MLXIP: variants seen among roughly 807,000 people sequenced by gnomAD.
The protein encoded by MLXIP is MLX interacting protein, also known as MLX-interacting protein.
Under a neutral mutation model 87.2 loss-of-function variants are expected in MLXIP, and 30 were observed. That is an observed-to-expected ratio of 0.34 (90% CI 0.26 to 0.47). MLXIP has a LOEUF of 0.47. Ranked by LOEUF, MLXIP falls within the 20% of genes least tolerant of loss-of-function variation. The probability of loss-of-function intolerance (pLI) is 1.00; values close to 1 mark genes in which losing one functional copy is unlikely to be tolerated. For missense variants in MLXIP, 1,002 were observed against 1,240.1 expected (o/e 0.81, Z 2.88); for synonymous variants, 530 against 514.0 (o/e 1.03, Z -0.42).
intron 1 of MLXIP, among the ~76,000 whole-genome samples, chr12:122,094,542 GGT>G (rs1173510381): frequency 2.8e-5 from 4 of 141,958 alleles, no homozygotes; most frequent in African/African-American, 7.9e-5. Context: ...GTGGTGTGTT[GGT>G]GTGTGGGTGT....
chr12:122,120,826 T>A (rs1952767458), intron 1 of MLXIP, among the ~76,000 whole-genome samples: 1 of 152,012 alleles, frequency 6.6e-6, no homozygotes, highest in Non-Finnish European at 1.5e-5. Flanking sequence ...CCACTCTACC[T>A]GTCTGTCAGG....
chr12:122,119,175 CAAACAAAACA>C (rs146505466), intron 1 of MLXIP, among the ~76,000 whole-genome samples: 18 of 151,170 alleles, frequency 1.2e-4, no homozygotes, highest in African/African-American at 3.2e-4. Flanking sequence ...CTCAAAAAAA[CAAACAAAACA>C]AAACAAAACA....
Position 122,142,154 on chromosome 12 carries a change from G to A in MLXIP, c.*342G>A, listed in dbSNP as rs934808592. 1.4e-6 allele frequency: 1 copy of A among 701,334 alleles called. No homozygotes were observed. Among genetic ancestry groups the A allele is most frequent in the African/African-American group, 1.7e-5 (1 of 57,262 alleles). The allele number at this position is 701,334 out of a possible 1,614,324, so 43.4% of individuals were successfully genotyped here. ...CTGCCGGGCCTGGCGCCGGTGAGCG[G>A]AATCGATGGGATGAGGGTGACAGGG... On this transcript the variant is annotated 3_prime_UTR_variant, in exon 17 of 17. Coordinates refer to ENST00000319080, the MANE Select transcript of MLXIP (RefSeq NM_014938.6).
intron 1 of MLXIP, among the ~76,000 whole-genome samples, chr12:122,081,503 C>T (rs939583056): frequency 6.6e-6 from 1 of 152,112 alleles, no homozygotes. Context: ...AGAACTGCTA[C>T]CTGGCTTTCA....
intron 3 of MLXIP, 27 bp downstream of exon 3, chr12:122,127,995 G>A: frequency 6.2e-7 from 1 of 1,600,190 alleles, no homozygotes; most frequent in Non-Finnish European, 8.6e-7. Flanking sequence ...AAGGGTGGCT[G>A]AGAGTGGAAA....
chr12:122,136,709 T>G (rs911218176), intron 11 of MLXIP: 8 of 152,258 alleles, frequency 5.3e-5, no homozygotes, highest in African/African-American at 1.9e-4. Context: ...AAGACGCGAA[T>G]GAGGGAGGGT....
At chr12:122,130,148 A>G (rs1952952006) in intron 6 of MLXIP, 36 bp downstream of exon 6, 1 of 1,586,124 alleles carries the variant, frequency 6.3e-7, no homozygotes, top group Non-Finnish European at 8.6e-7. Context: ...TTGAACAGCC[A>G]GCCGCTTCCT....
At chr12:122,106,111 A>G (rs545627051) in intron 1 of MLXIP, among the ~76,000 whole-genome samples, 1 of 152,306 alleles carries the variant, frequency 6.6e-6, no homozygotes, top group East Asian at 1.9e-4. Context: ...TGTTATCTCA[A>G]CTTATCCTCT....
In MLXIP at chr12:122,138,449, A is replaced by G; in HGVS notation, c.2282A>G (p.Lys761Arg). 1 of 1,613,944 alleles carries G rather than the reference A, an allele frequency of 6.2e-7. No homozygotes were observed. The highest frequency in any genetic ancestry group is 8.5e-7 in the Non-Finnish European group (1 of 1,179,890). ...KLTSHAITLQ[K>R]TVEYITKLQQ... ...ACCAGTCACGCCATCACACTGCAGA[A>G]GACTGTGGAGTACATCACCAAGCTG... The change falls in exon 14 of 17, where the codon AAG becomes AGG. Residue 761 changes from lysine (K) to arginine (R), a missense_variant. Lys to Arg is a conservative substitution (Grantham distance 26, BLOSUM62 2). Coordinates refer to ENST00000319080, the MANE Select transcript of MLXIP (RefSeq NM_014938.6).
chr12:122,132,359 A>G lies in MLXIP; in HGVS notation c.1068A>G (p.Pro356=). Residue 356 remains proline, a synonymous_variant, in exon 8 of 17, where the codon CCA becomes CCG. Transcript: ENST00000319080. ...MLPASASAPV[P]DPNNPPAQES... ...CTGCATCTGCCTCAGCACCTGTACCAGATCCCAACAACCCACCTGCACAGG... is the reference window on the plus strand; with the variant it reads ...CTGCATCTGCCTCAGCACCTGTACCGGATCCCAACAACCCACCTGCACAGG... 1 of 1,612,892 alleles carries G rather than the reference A, an allele frequency of 6.2e-7. No homozygotes were observed. Among genetic ancestry groups the G allele is most frequent in the African/African-American group, 1.3e-5 (1 of 75,028 alleles).
chr12:122,104,070 C>T (rs1220214880), intron 1 of MLXIP, among the ~76,000 whole-genome samples: 1 of 152,168 alleles, frequency 6.6e-6, no homozygotes, highest in Non-Finnish European at 1.5e-5. Context: ...AATAGTCCCA[C>T]TAGTGTTATT....
intron 1 of MLXIP, among the ~76,000 whole-genome samples, chr12:122,098,811 C>T (rs1952393742): frequency 1.3e-5 from 2 of 152,224 alleles, no homozygotes; most frequent in Admixed American, 6.5e-5. Context: ...ATTGGCTTCT[C>T]TTCTTCCACC....
At chr12:122,082,987 A>AT (rs1325823491) in intron 1 of MLXIP, among the ~76,000 whole-genome samples, 3 of 152,090 alleles carry the variant, frequency 2.0e-5, no homozygotes, top group Admixed American at 6.6e-5. Context: ...TGCCTGGCTA[A>AT]TTTTTTATTT....
intron 1 of MLXIP, among the ~76,000 whole-genome samples, chr12:122,117,766 C>G (rs753569846): frequency 2.6e-5 from 4 of 152,140 alleles, no homozygotes; most frequent in Non-Finnish European, 5.9e-5. Flanking sequence ...GTGCCGAACC[C>G]TGTATACAGT....
In MLXIP at chr12:122,078,868, C is replaced by G; in HGVS notation, c.15C>G (p.Val5=). 2 of 1,114,922 alleles carry G rather than the reference C, an allele frequency of 1.8e-6. No individual in the cohort carries two copies. The highest frequency in any genetic ancestry group is 2.2e-6 in the Non-Finnish European group (2 of 911,702). 69.1% of individuals were successfully genotyped at this position (1,114,922 alleles called of 1,614,324 possible). ...GAGCCCTTCTCATGGCCGCCGACGT[C>G]TTCATGTGCTCCCCGCGCCGGCCTC... MAAD[V]FMCSPRRPRS... Residue 5 remains valine (V), a synonymous_variant, in exon 1 of 17, where the codon GTC becomes GTG. Coordinates refer to ENST00000319080, the MANE Select transcript of MLXIP (RefSeq NM_014938.6).
chr12:122,081,466 G>A (rs1952089846), intron 1 of MLXIP, among the ~76,000 whole-genome samples: 1 of 152,184 alleles, frequency 6.6e-6, no homozygotes, highest in Non-Finnish European at 1.5e-5. Context: ...AGAGGAAGGT[G>A]AGTTTCTGAC....
At position 122,099,823 on chromosome 12, in the gene MLXIP, T is replaced by A. The variant is rs138846752; in HGVS notation, c.413+20557T>A. ...CCCAGCCCTGAAGGAGTTTAGGGCATTAGGAGAACTCCCTTGGTGGGTGGG... is the reference window on the plus strand; with the variant it reads ...CCCAGCCCTGAAGGAGTTTAGGGCAATAGGAGAACTCCCTTGGTGGGTGGG... On this transcript the variant is annotated intron_variant, in intron 1 of 16. Transcript: ENST00000319080. 3.0e-3 allele frequency among the ~76,000 whole-genome samples: 458 copies of A among 152,274 alleles called. 6 individuals carry two copies. The highest frequency in any genetic ancestry group is 0.023 in the East Asian group (118 of 5,180).
chr12:122,124,980 A>T (rs1952857217), intron 1 of MLXIP, among the ~76,000 whole-genome samples: 1 of 152,222 alleles, frequency 6.6e-6, no homozygotes, highest in Non-Finnish European at 1.5e-5. Context: ...CAGCCTGACC[A>T]ACATGATGAA....
chr12:122,120,604 T>C (rs1952762539), intron 1 of MLXIP, among the ~76,000 whole-genome samples: 1 of 152,206 alleles, frequency 6.6e-6, no homozygotes. Context: ...AATTTTATAT[T>C]TATTTTACTA....
Sources: gnomAD v4.1 joint callset for allele counts (sites outside exome capture counted in the v4.1 genomes callset) on GRCh38, gnomAD v4.1.1 for gene constraint, MANE v1.5 for transcripts, NCBI Gene and HGNC (gene_info 2026-07-23, HGNC 2026-07-21) for gene names.